Variants in TMEM100 observed in about 807,000 individuals in gnomAD.
TMEM100 encodes the protein transmembrane protein 100.
For missense variants in TMEM100, 137 were observed against 168.2 expected, an observed-to-expected ratio of 0.81 and a Z score of 1.02; for synonymous variants, 61 against 67.1, an observed-to-expected ratio of 0.91 and a Z score of 0.44.
intron 1 of TMEM100, among the ~76,000 whole-genome samples, chr17:55,730,883 C>T (rs1909189235): frequency 6.6e-6 from 1 of 152,178 alleles, no homozygotes. Context: ...GGAGACAGAA[C>T]TTTGCTGTCT....
chr17:55,727,086 A>G (rs1567923426), upstream of TMEM100, among the ~76,000 whole-genome samples: 1 of 152,220 alleles, frequency 6.6e-6, no homozygotes, highest in Non-Finnish European at 1.5e-5. Flanking sequence ...CTGAGTAACT[A>G]TGAAAGGTCA....
upstream of TMEM100, among the ~76,000 whole-genome samples, chr17:55,725,050 G>C (rs971017876): frequency 2.0e-5 from 3 of 152,196 alleles, no homozygotes; most frequent in Non-Finnish European, 4.4e-5. Context: ...GTATAAAGCA[G>C]ACATTGTATC....
rs779288627 is a variant in TMEM100 at position 55,720,902 on chromosome 17, T to C, written c.169A>G (p.Ile57Val). 1.9e-6 allele frequency: 3 copies of C among 1,614,062 alleles called. No homozygotes were observed. Among genetic ancestry groups the C allele is most frequent in the East Asian group, 2.2e-5 (1 of 44,888 alleles). Reference sequence around the variant, plus strand: ...AAGACAACCACAGCAAAGGGGATGATGCAGCGGTAGCAGGAGAGCTCGGTA... The same window carrying C: ...AAGACAACCACAGCAAAGGGGATGACGCAGCGGTAGCAGGAGAGCTCGGTA... ...GGTELSCYRC[I>V]IPFAVVVFIA... is the part of the protein sequence containing the mutation. The change falls in exon 2 of 2, where the codon ATC becomes GTC. Residue 57 changes from isoleucine (I) to valine (V), a missense_variant. Coordinates refer to ENST00000424486, the MANE Select transcript of TMEM100 (RefSeq NM_018286.3).
At chr17:55,725,827 T>C (rs931900758), upstream of TMEM100, among the ~76,000 whole-genome samples, 35 of 152,052 alleles carry the variant, frequency 2.3e-4, no homozygotes, top group East Asian at 3.9e-4. Context: ...TTTATATCTT[T>C]ATTCAGGCAC....
upstream of TMEM100, among the ~76,000 whole-genome samples, chr17:55,725,664 T>C (rs12103608): frequency 0.01 from 1,527 of 151,484 alleles, 30 homozygotes; most frequent in African/African-American, 0.035. Flanking sequence ...TGCTGGATTT[T>C]ACTCTGTTGT....
Position 55,720,870 on chromosome 17 carries a change from G to A in TMEM100, c.201C>T (p.Ala67=), listed in dbSNP as rs62080682. The A allele has an allele frequency of 4.5e-5, 73 of 1,614,058 alleles. No homozygotes were observed. The highest frequency in any genetic ancestry group is 5.3e-5 in the African/African-American group (4 of 74,916). ...IIPFAVVVFI[A]GIVVTAVAYS... is the part of the protein sequence containing the mutation. ...AAGCCACCGCGGTGACCACGATGCCGGCGATGAAGACAACCACAGCAAAGG... is the reference window on the plus strand; with the variant it reads ...AAGCCACCGCGGTGACCACGATGCCAGCGATGAAGACAACCACAGCAAAGG... The change falls in exon 2 of 2, where the codon GCC becomes GCT. Residue 67 remains alanine, a synonymous_variant. Transcript: ENST00000424486.
At chr17:55,730,863 G>C (rs893402997) in intron 1 of TMEM100, among the ~76,000 whole-genome samples, 2 of 152,098 alleles carry the variant, frequency 1.3e-5, no homozygotes, top group African/African-American at 4.8e-5. Flanking sequence ...TTAAAGTCTC[G>C]TTTTGTAAAG....
upstream of TMEM100, among the ~76,000 whole-genome samples, chr17:55,726,726 C>T (rs1249143563): frequency 2.0e-5 from 3 of 152,166 alleles, no homozygotes; most frequent in South Asian, 2.1e-4. Flanking sequence ...GTTTTCTCCT[C>T]TCTAATGCTT....
At chr17:55,730,719 G>A (rs752758842) in intron 1 of TMEM100, among the ~76,000 whole-genome samples, 2 of 152,212 alleles carry the variant, frequency 1.3e-5, no homozygotes, top group African/African-American at 2.4e-5. Flanking sequence ...TATTCACGAT[G>A]TGTGTGGGTA....
rs1487691688 is a variant in TMEM100, at chr17:55,722,766, G to A, written c.-213C>T. 6.6e-6 allele frequency: 1 copy of A among 152,152 alleles called. No homozygotes were observed. Among genetic ancestry groups the A allele is most frequent in the Non-Finnish European group, 1.5e-5 (1 of 68,050 alleles). 9.4% of individuals were successfully genotyped at this position (152,152 alleles called of 1,614,324 possible). On this transcript the variant is annotated 5_prime_UTR_variant, in exon 1 of 2. Coordinates refer to ENST00000424486, the MANE Select transcript of TMEM100 (RefSeq NM_018286.3). ...ACAATAGGTTAGGGATCTCTTCTGG[G>A]GAAAGGAAAAGATGTAAAAATACTT... is the stretch of plus-strand genomic sequence containing the variant.
At chr17:55,727,813 C>T (rs888892418), upstream of TMEM100, 2 of 152,240 alleles carry the variant, frequency 1.3e-5, no homozygotes. Context: ...ACCAGATTAG[C>T]CTTGTCTCAG....
At chr17:55,723,675 C>G (rs540882737), upstream of TMEM100, among the ~76,000 whole-genome samples, 4 of 152,126 alleles carry the variant, frequency 2.6e-5, no homozygotes, top group Admixed American at 2.6e-4. Context: ...TGGTTTGAAC[C>G]CTAATCTTTA....
chr17:55,722,428 T>C (rs1908923086), intron 1 of TMEM100, 191 bp downstream of exon 1: 1 of 152,210 alleles, frequency 6.6e-6, no homozygotes, highest in South Asian at 2.1e-4. Flanking sequence ...AACTAAATCT[T>C]AGAGCTGCCT....
In TMEM100 at chr17:55,720,745, A is replaced by G. The variant is rs1468040245; in HGVS notation, c.326T>C (p.Val109Ala). 1.2e-6 allele frequency: 2 copies of G among 1,614,008 alleles called. No homozygotes were observed. The highest frequency in any genetic ancestry group is 2.7e-5 in the African/African-American group (2 of 74,914). ...LLASSALCWKVRQRSKKAKRR... is the reference protein window; with the variant it reads ...LLASSALCWKARQRSKKAKRR... ...CTTGGCTTTCTTGCTCCTTTGTCTC[A>G]CTTTCCAGCACAAGGCACTGGAGGC... is the stretch of plus-strand genomic sequence containing the variant. The change falls in exon 2 of 2, where the codon GTG (valine) becomes GCG (alanine). Residue 109 changes from valine (V) to alanine (A), a missense_variant. Val to Ala is a moderately conservative substitution (Grantham distance 64, BLOSUM62 0). Coordinates refer to ENST00000424486, the MANE Select transcript of TMEM100 (RefSeq NM_018286.3).
At chr17:55,725,582 A>C (rs1909044283), upstream of TMEM100, among the ~76,000 whole-genome samples, 1 of 152,162 alleles carries the variant, frequency 6.6e-6, no homozygotes, top group Admixed American at 6.5e-5. Context: ...GACCGTAAAC[A>C]AAGTACTCAG....
chr17:55,728,151 C>A (rs564736035), intron 1 of TMEM100, among the ~76,000 whole-genome samples: 2 of 152,196 alleles, frequency 1.3e-5, no homozygotes, highest in Non-Finnish European at 2.9e-5. Context: ...ATGTACTACC[C>A]ATAACACAGT....
Position 55,720,336 on chromosome 17 carries a change from C to A in TMEM100, c.*330G>T, listed in dbSNP as rs1908824891. On this transcript the variant is annotated 3_prime_UTR_variant, in exon 2 of 2. Coordinates refer to ENST00000424486, the MANE Select transcript of TMEM100 (RefSeq NM_018286.3). ...GAGGCAAATGTCTAGTGTGCCAGGC[C>A]TATCTTGATTTTTCTCATCTTTTCT... 3.9e-6 allele frequency: 1 copy of A among 254,658 alleles called. No individual in the cohort carries two copies. The highest frequency in any genetic ancestry group is 1.1e-4 in the South Asian group (1 of 8,878). 15.8% of individuals were successfully genotyped at this position (254,658 alleles called of 1,614,324 possible). A position where few individuals can be genotyped will look rare whatever the true frequency, so the allele number is the denominator to read the frequency against.
At chr17:55,727,275 CGTT>C (rs1261370547), upstream of TMEM100, among the ~76,000 whole-genome samples, 2 of 152,174 alleles carry the variant, frequency 1.3e-5, no homozygotes, top group Non-Finnish European at 2.9e-5. Context: ...TGTTTATGTA[CGTT>C]ATTCTTTGGA....
intron 1 of TMEM100, among the ~76,000 whole-genome samples, chr17:55,729,900 T>G (rs1909162800): frequency 6.6e-6 from 1 of 152,164 alleles, no homozygotes; most frequent in African/African-American, 2.4e-5. Flanking sequence ...GTAATGAAAA[T>G]ATTTTCTCCA....
Sources: allele counts gnomAD v4.1 joint callset (sites outside exome capture counted in the v4.1 genomes callset), GRCh38; gene constraint gnomAD v4.1.1; transcripts MANE v1.5; gene names NCBI Gene and HGNC (gene_info 2026-07-23, HGNC 2026-07-21).